NFILZ: variants seen among roughly 807,000 people sequenced by gnomAD.
NFILZ encodes NFIL3 like protein.
At chr19:8,669,535 C>T (rs1375529047) in intron 3 of NFILZ, among the ~76,000 whole-genome samples, 7 of 152,158 alleles carry the variant, frequency 4.6e-5, no homozygotes, top group Non-Finnish European at 7.3e-5. Flanking sequence ...TCAGCCTTGC[C>T]GTATTGTTAA....
chr19:8,675,261 C>T (rs1250353510), intron 4 of NFILZ, among the ~76,000 whole-genome samples: 9 of 152,176 alleles, frequency 5.9e-5, no homozygotes, highest in Admixed American at 1.3e-4. Context: ...AGACAGGCTC[C>T]TTCCGCCTTG....
intron 3 of NFILZ, among the ~76,000 whole-genome samples, chr19:8,664,543 T>A (rs782585665): frequency 1.7e-4 from 26 of 151,734 alleles, no homozygotes; most frequent in Non-Finnish European, 3.4e-4. Flanking sequence ...GAAGACTGAG[T>A]TCCCACAGAA....
intron 3 of NFILZ, among the ~76,000 whole-genome samples, chr19:8,637,442 T>C (rs1197363244): frequency 6.9e-6 from 1 of 145,430 alleles, no homozygotes; most frequent in Admixed American, 6.8e-5. Flanking sequence ...GTGAAGCCCC[T>C]TCTCTACTAA....
chr19:8,678,077 A>ATTAGTTTATCCATCCTC lies in NFILZ; in HGVS notation c.*442_*443insTTAGTTTATCCATCCTC, dbSNP rs1555750941. ...CCACCCATCTATTCATCCATCCATC[A>ATTAGTTTATCCATCCTC]ATCCATCCATCCATTCCATCCATCC... is the stretch of plus-strand genomic sequence containing the variant. On this transcript the variant is annotated 3_prime_UTR_variant, in exon 6 of 6. Coordinates refer to ENST00000691075, the MANE Select transcript of NFILZ (RefSeq NM_001378600.1). Among the ~76,000 whole-genome samples the ATTAGTTTATCCATCCTC allele has an allele frequency of 1.6e-4, 1 of 6,106 alleles. No individual in the cohort carries two copies. The highest frequency in any genetic ancestry group is 3.1e-4 in the Non-Finnish European group (1 of 3,220). The allele number at this position is 6,106 out of a possible 152,430, so 4.0% of individuals were successfully genotyped here.
rs1449771452 is a variant in NFILZ at position 8,647,787 on chromosome 19, G to GCA, written c.-164+12042_-164+12043insAC. 2.8e-4 allele frequency among the ~76,000 whole-genome samples: 27 copies of GCA among 94,902 alleles called. 1 individual carries two copies. Among genetic ancestry groups the GCA allele is most frequent in the African/African-American group, 1.3e-3 (26 of 19,978 alleles). The allele number at this position is 94,902 out of a possible 152,430, so 62.3% of individuals were successfully genotyped here. On this transcript the variant is annotated intron_variant, in intron 3 of 5. Coordinates refer to ENST00000691075, the MANE Select transcript of NFILZ (RefSeq NM_001378600.1). The stretch of plus-strand genomic sequence containing the variant: ...CACACACACGCACACATGCGCGCGC[G>GCA]CGCGCGCGCACACACACACACACAC...
intron 3 of NFILZ, among the ~76,000 whole-genome samples, chr19:8,645,752 G>A (rs1555747021): frequency 6.6e-6 from 1 of 152,174 alleles, no homozygotes; most frequent in Non-Finnish European, 1.5e-5. Flanking sequence ...TAGCTGCAAT[G>A]TGGAGCCTGA....
chr19:8,659,540 G>T (rs536912790), intron 3 of NFILZ, among the ~76,000 whole-genome samples: 1 of 152,272 alleles, frequency 6.6e-6, no homozygotes, highest in South Asian at 2.1e-4. Context: ...GCTCCATCTG[G>T]ATCTCCCAGG....
intron 1 of NFILZ, among the ~76,000 whole-genome samples, 153 bp from the exon 2 acceptor site, chr19:8,632,323 G>T (rs2042874287): frequency 6.6e-6 from 1 of 152,018 alleles, no homozygotes; most frequent in Non-Finnish European, 1.5e-5. Flanking sequence ...GTGAACCAGA[G>T]TGACTCCATC....
intron 3 of NFILZ, among the ~76,000 whole-genome samples, chr19:8,642,283 GT>G (rs1203809898): frequency 1.3e-5 from 2 of 152,028 alleles, no homozygotes; most frequent in African/African-American, 4.8e-5. Context: ...ATAAAGTAGG[GT>G]TTGCAGCACT....
chr19:8,656,370 C>CTTCCTGAAGCCCACCTCT (rs1600147477), intron 3 of NFILZ, among the ~76,000 whole-genome samples: 1 of 62,718 alleles, frequency 1.6e-5, no homozygotes, highest in Non-Finnish European at 4.3e-5. Context: ...AGCCCACCTT[C>CTTCCTGAAGCCCACCTCT]TCCCTGAAGC....
At chr19:8,647,254 G>A (rs1354135834) in intron 3 of NFILZ, among the ~76,000 whole-genome samples, 1 of 151,844 alleles carries the variant, frequency 6.6e-6, no homozygotes, top group Admixed American at 6.6e-5. Context: ...CATACACACC[G>A]TGGAATACTA....
intron 3 of NFILZ, among the ~76,000 whole-genome samples, chr19:8,664,632 C>T (rs1283895611): frequency 6.6e-6 from 1 of 152,092 alleles, no homozygotes; most frequent in Non-Finnish European, 1.5e-5. Context: ...TGCAGGGCCC[C>T]GAGGTTCCAT....
chr19:8,643,808 G>A (rs2042928379), intron 3 of NFILZ, among the ~76,000 whole-genome samples: 1 of 152,106 alleles, frequency 6.6e-6, no homozygotes. Context: ...GATGAGCCCT[G>A]TAATTATATA....
At chr19:8,633,079 G>T (rs1476798307) in intron 2 of NFILZ, among the ~76,000 whole-genome samples, 1 of 146,156 alleles carries the variant, frequency 6.8e-6, no homozygotes, top group Non-Finnish European at 1.5e-5. Context: ...GGAGTGCAGT[G>T]GTGTAATCTT....
At chr19:8,672,702 A>T (rs1414753587) in intron 3 of NFILZ, among the ~76,000 whole-genome samples, 1 of 147,514 alleles carries the variant, frequency 6.8e-6, no homozygotes, top group African/African-American at 2.6e-5. Flanking sequence ...ATATTCAGGC[A>T]TTCATTCAAA....
At chr19:8,664,044 T>C (rs2043050197) in intron 3 of NFILZ, among the ~76,000 whole-genome samples, 1 of 151,770 alleles carries the variant, frequency 6.6e-6, no homozygotes, top group African/African-American at 2.4e-5. Context: ...AAGACCGAGA[T>C]GAATTTTGCT....
intron 3 of NFILZ, among the ~76,000 whole-genome samples, chr19:8,669,808 C>T (rs2043078864): frequency 6.6e-6 from 1 of 152,158 alleles, no homozygotes; most frequent in South Asian, 2.1e-4. Flanking sequence ...CTTTACTTTC[C>T]TCTCTGGGTA....
chr19:8,636,084 G>A lies in NFILZ; in HGVS notation c.-164+338G>A, dbSNP rs184062924. On this transcript the variant is annotated intron_variant, in intron 3 of 5. Coordinates refer to ENST00000691075, the MANE Select transcript of NFILZ (RefSeq NM_001378600.1). ...ACTCCTGGCCTCAAGTGTTCTACCC[G>A]GCTCATCCTCCCAAAGTACTGGTAT... is the stretch of plus-strand genomic sequence containing the variant. 5.5e-3 allele frequency among the ~76,000 whole-genome samples: 830 copies of A among 152,074 alleles called. 19 individuals are homozygous for A. Among genetic ancestry groups the A allele is most frequent in the Admixed American group, 0.033 (500 of 15,280 alleles).
chr19:8,634,864 C>CACAAACAAACAA (rs150599717), intron 2 of NFILZ, among the ~76,000 whole-genome samples: 33 of 150,592 alleles, frequency 2.2e-4, no homozygotes, highest in Non-Finnish European at 4.3e-4. Context: ...AAGACCCTAT[C>CACAAACAAACAA]ACAAACAAAC....
Sources: allele counts gnomAD v4.1 joint callset (sites outside exome capture counted in the v4.1 genomes callset), GRCh38; gene constraint gnomAD v4.1.1; transcripts MANE v1.5; gene names NCBI Gene and HGNC (gene_info 2026-07-23, HGNC 2026-07-21).